The following DRD3 variants were observed in gnomAD, a reference collection of about 807,000 sequenced individuals.
DRD3 encodes the protein dopamine receptor D3.
A neutral mutation model predicts 36.3 loss-of-function variants in DRD3; 19 were observed. The observed-to-expected ratio is 0.52, with a 90% CI of 0.36 to 0.77. DRD3 has a LOEUF of 0.77. Among genes scored for constraint, DRD3 ranks in the 30% least tolerant of loss-of-function variants. The pLI is 0.00. For missense variants in DRD3, 465 were observed against 505.3 expected, an observed-to-expected ratio of 0.92 and a Z score of 0.77; for synonymous variants, 195 against 203.7, an observed-to-expected ratio of 0.96 and a Z score of 0.36.
chr3:114,176,589 A>G (rs1394328484), intron 1 of DRD3, among the ~76,000 whole-genome samples: 1 of 152,106 alleles, frequency 6.6e-6, no homozygotes, highest in East Asian at 1.9e-4. Flanking sequence ...TGGGTGACAG[A>G]GCAAGATCCT....
At chr3:114,145,376 G>A (rs1055272116) in intron 4 of DRD3, among the ~76,000 whole-genome samples, 3 of 152,212 alleles carry the variant, frequency 2.0e-5, no homozygotes, top group Admixed American at 6.5e-5. Context: ...TGGGCAATGT[G>A]TGCATGTTTG....
intron 6 of DRD3, among the ~76,000 whole-genome samples, chr3:114,130,251 C>A (rs113608489): frequency 0.012 from 1,879 of 151,964 alleles, 25 homozygotes; most frequent in African/African-American, 0.043. Flanking sequence ...AGAGTCAGAC[C>A]ATGTCTCAAA....
chr3:114,133,400 T>C (rs2077447679), intron 5 of DRD3, among the ~76,000 whole-genome samples: 1 of 152,146 alleles, frequency 6.6e-6, no homozygotes, highest in Non-Finnish European at 1.5e-5. Flanking sequence ...GTAGGTGGGA[T>C]TGTAGATGAA....
At chr3:114,178,343 C>T (rs941090411) in intron 1 of DRD3, among the ~76,000 whole-genome samples, 1 of 152,138 alleles carries the variant, frequency 6.6e-6, no homozygotes, top group Non-Finnish European at 1.5e-5. Context: ...ATACAATCAA[C>T]TTCCATACAA....
chr3:114,179,258 G>C (rs2077932028), upstream of DRD3, among the ~76,000 whole-genome samples: 1 of 152,110 alleles, frequency 6.6e-6, no homozygotes, highest in Non-Finnish European at 1.5e-5. Context: ...ACCACAATTG[G>C]TTAATGGAAA....
intron 5 of DRD3, among the ~76,000 whole-genome samples, chr3:114,135,650 A>G (rs539235251): frequency 1.1e-4 from 16 of 152,198 alleles, no homozygotes; most frequent in Admixed American, 2.6e-4. Context: ...CCTATTTACA[A>G]CAGAGATTAT....
At chr3:114,147,653 C>G in intron 3 of DRD3, 96 bp from the exon 4 acceptor site, 1 of 1,419,490 alleles carries the variant, frequency 7.0e-7, no homozygotes, top group Non-Finnish European at 9.7e-7. Flanking sequence ...GAGACAGGGT[C>G]TCACTCTGTC....
chr3:114,183,934 A>T (rs577934436), upstream of DRD3, among the ~76,000 whole-genome samples: 534 of 151,816 alleles, frequency 3.5e-3, 1 homozygote, highest in African/African-American at 0.012. Flanking sequence ...CTGTTTTTTG[A>T]TTGGGTAGTT....
chr3:114,139,709 AG>A lies in DRD3; in HGVS notation c.527-14del, dbSNP rs771067559. 6.2e-7 allele frequency: 1 copy of A among 1,613,022 alleles called. No homozygotes were observed. Among genetic ancestry groups the A allele is most frequent in the Admixed American group, 1.7e-5 (1 of 60,000 alleles). ...ACAGTGGGGTCCCCTGTGGATGAGAAGGGGGAAGGTAAAGCAGTTAGCAAGT... is the reference window on the plus strand; with the variant it reads ...ACAGTGGGGTCCCCTGTGGATGAGAAGGGGAAGGTAAAGCAGTTAGCAAGT... On this transcript the variant is annotated splice_polypyrimidine_tract_variant and intron_variant, in intron 4 of 6. Transcript: ENST00000383673.
At chr3:114,147,655 C>T (rs2107847314) in intron 3 of DRD3, 98 bp from the exon 4 acceptor site, 3 of 1,404,138 alleles carry the variant, frequency 2.1e-6, no homozygotes, top group Non-Finnish European at 9.8e-7. Flanking sequence ...GACAGGGTCT[C>T]ACTCTGTCAC....
upstream of DRD3, among the ~76,000 whole-genome samples, chr3:114,181,033 CTA>C (rs1465083564): frequency 3.9e-5 from 6 of 152,124 alleles, no homozygotes; most frequent in African/African-American, 1.4e-4. Flanking sequence ...AATGATAATG[CTA>C]TCTTGATAAT....
intron 4 of DRD3, among the ~76,000 whole-genome samples, chr3:114,141,498 T>C (rs2077522894): frequency 6.6e-6 from 1 of 152,164 alleles, no homozygotes; most frequent in Admixed American, 6.5e-5. Flanking sequence ...CCTTTTGAAC[T>C]GAAAGGGAAG....
At chr3:114,146,397 T>G (rs324041) in intron 4 of DRD3, among the ~76,000 whole-genome samples, 145,106 of 152,220 alleles carry the variant, frequency 0.95, 69,576 homozygotes, top group East Asian at 1. Context: ...TACTATGTGG[T>G]TTAATACCTT....
upstream of DRD3, among the ~76,000 whole-genome samples, chr3:114,183,117 C>T (rs2077956996): frequency 6.6e-6 from 1 of 152,206 alleles, no homozygotes; most frequent in Admixed American, 6.5e-5. Flanking sequence ...ATCAATAGTG[C>T]ATGAGTGTTC....
chr3:114,151,030 C>T (rs2077612262), intron 3 of DRD3, among the ~76,000 whole-genome samples: 1 of 152,208 alleles, frequency 6.6e-6, no homozygotes, highest in South Asian at 2.1e-4. Context: ...TAAGATCCTG[C>T]TACCCACTTC....
intron 4 of DRD3, among the ~76,000 whole-genome samples, chr3:114,142,562 C>T (rs573965912): frequency 6.6e-6 from 1 of 152,218 alleles, no homozygotes; most frequent in Admixed American, 6.5e-5. Flanking sequence ...TGTGTATGGA[C>T]ATGCACACTG....
chr3:114,178,067 G>T (rs1444342869), intron 1 of DRD3, among the ~76,000 whole-genome samples: 1 of 152,150 alleles, frequency 6.6e-6, no homozygotes, highest in Non-Finnish European at 1.5e-5. Context: ...GCCCCAGTAA[G>T]CTACAGCAAG....
intron 3 of DRD3, among the ~76,000 whole-genome samples, chr3:114,158,468 A>T (rs1389574641): frequency 6.6e-6 from 1 of 152,152 alleles, no homozygotes; most frequent in Non-Finnish European, 1.5e-5. Context: ...CATTTTCAGG[A>T]GTGCATTATT....
chr3:114,154,615 T>C (rs2077648492), intron 3 of DRD3, among the ~76,000 whole-genome samples: 1 of 152,234 alleles, frequency 6.6e-6, no homozygotes. Flanking sequence ...TATAAAGTGC[T>C]TATTTAGATG....
Sources: gnomAD v4.1 joint callset for allele counts (sites outside exome capture counted in the v4.1 genomes callset) on GRCh38, gnomAD v4.1.1 for gene constraint, MANE v1.5 for transcripts, NCBI Gene and HGNC (gene_info 2026-07-23, HGNC 2026-07-21) for gene names.